MYO18B: variants seen among roughly 807,000 people sequenced by gnomAD.
MYO18B encodes myosin XVIIIB, also known as unconventional myosin-XVIIIb.
A neutral mutation model predicts 273.0 loss-of-function variants in MYO18B; 204 were observed. That is an observed-to-expected ratio of 0.75 (90% CI 0.67 to 0.84). The LOEUF (loss-of-function observed/expected upper bound fraction) is 0.84. Among genes scored for constraint, MYO18B ranks in the 40% least tolerant of loss-of-function variants. The pLI, the probability that MYO18B is intolerant of heterozygous loss-of-function variation, is 0.00. For missense variants in MYO18B, 3,212 were observed against 3,287.6 expected (o/e 0.98, Z 0.56); for synonymous variants, 1,330 against 1,305.7 (o/e 1.02, Z -0.40).
At position 25,781,846 on chromosome 22, in the gene MYO18B, G is replaced by A; in HGVS notation, c.2312+12G>A. 6.5e-7 allele frequency: 1 copy of A among 1,528,294 alleles called. No homozygotes were observed. Among genetic ancestry groups the A allele is most frequent in the Non-Finnish European group, 8.8e-7 (1 of 1,140,224 alleles). The allele number at this position is 1,528,294 out of a possible 1,614,324, so 94.7% of individuals were successfully genotyped here. A position where few individuals can be genotyped will look rare whatever the true frequency, so the allele number is the denominator to read the frequency against. On this transcript the variant is annotated intron_variant, in intron 10 of 43. Coordinates refer to ENST00000335473, the MANE Select transcript of MYO18B (RefSeq NM_032608.7). Reference sequence around the variant, plus strand: ...GACTTGGATCTCAGGTGAGCACTTGGGGCAGGAAGAGACAGCTGAGGGCAG... The same window carrying A: ...GACTTGGATCTCAGGTGAGCACTTGAGGCAGGAAGAGACAGCTGAGGGCAG...
chr22:25,851,551 C>T lies in MYO18B; in HGVS notation c.3857C>T (p.Ser1286Leu), dbSNP rs752470088. The change falls in exon 21 of 44, where the codon TCG becomes TTG. Residue 1286 changes from serine to leucine, a missense_variant. By Grantham distance (145) the Ser-to-Leu change is moderately radical. Transcript: ENST00000335473. ...LDAPLLKKLMSTSEGIDERKA... is the reference protein window; with the variant it reads ...LDAPLLKKLMLTSEGIDERKA... Reference sequence around the variant, plus strand: ...GCTCCACTCCTGAAGAAGCTCATGTCGACCTCCGAGGGAATAGATGAAAGG... The same window carrying T: ...GCTCCACTCCTGAAGAAGCTCATGTTGACCTCCGAGGGAATAGATGAAAGG... 2.3e-5 allele frequency: 36 copies of T among 1,558,882 alleles called. No individual in the cohort carries two copies. The highest frequency in any genetic ancestry group is 5.8e-5 in the Admixed American group (3 of 51,872).
intron 1 of MYO18B, among the ~76,000 whole-genome samples, chr22:25,746,806 C>T (rs999384054): frequency 2.0e-5 from 3 of 152,192 alleles, no homozygotes; most frequent in Non-Finnish European, 4.4e-5. Context: ...CTCTAGGTAG[C>T]AACACAGTAG....
intron 39 of MYO18B, among the ~76,000 whole-genome samples, chr22:25,982,842 G>A (rs1015909399): frequency 2.6e-5 from 4 of 152,068 alleles, no homozygotes; most frequent in Admixed American, 6.5e-5. Context: ...ACATGTTGCC[G>A]GATTAGATCA....
At chr22:25,906,981 C>T (rs2146364649) in intron 31 of MYO18B, among the ~76,000 whole-genome samples, 1 of 152,316 alleles carries the variant, frequency 6.6e-6, no homozygotes, top group Middle Eastern at 3.4e-3. Flanking sequence ...CAGAGCCTAA[C>T]CATATCACCC....
the MYO18B span, among the ~76,000 whole-genome samples, chr22:26,062,854 G>A: frequency 1.3e-5 from 2 of 152,158 alleles, no homozygotes; most frequent in African/African-American, 4.8e-5. Context: ...AAGAGAAAAG[G>A]CCATGTAGAA....
chr22:25,766,721 T>C (rs1426603747), intron 3 of MYO18B, among the ~76,000 whole-genome samples: 1 of 152,206 alleles, frequency 6.6e-6, no homozygotes, highest in African/African-American at 2.4e-5. Flanking sequence ...GTACAGTTCA[T>C]GCATGGGAAC....
intron 39 of MYO18B, among the ~76,000 whole-genome samples, chr22:25,968,245 T>C (rs2092999606): frequency 6.6e-6 from 1 of 151,980 alleles, no homozygotes; most frequent in Admixed American, 6.6e-5. Context: ...ATTTGAAGGG[T>C]AGAGGCTGGA....
rs566709458 is a variant in MYO18B, at chr22:25,951,017, GA to G, written c.5832+568del. On this transcript the variant is annotated intron_variant, in intron 37 of 43. Transcript: ENST00000335473. Reference sequence around the variant, plus strand: ...CAAGGGCAAGAAGCATCCAGCACGGGAGAAAGATGTAGGCTGGGAGGCTAAG... The same window carrying G: ...CAAGGGCAAGAAGCATCCAGCACGGGGAAAGATGTAGGCTGGGAGGCTAAG... Among the ~76,000 whole-genome samples, 269 of 152,318 alleles carry G rather than the reference GA, an allele frequency of 1.8e-3. 1 individual carries two copies. The highest frequency in any genetic ancestry group is 6.3e-3 in the African/African-American group (260 of 41,588).
intron 34 of MYO18B, among the ~76,000 whole-genome samples, chr22:25,931,454 G>T (rs990162241): frequency 1.3e-5 from 2 of 152,180 alleles, no homozygotes; most frequent in African/African-American, 4.8e-5. Flanking sequence ...GCTAGTCATG[G>T]TGCCAAATAT....
chr22:26,056,228 T>C, the MYO18B span, among the ~76,000 whole-genome samples: 1 of 152,208 alleles, frequency 6.6e-6, no homozygotes, highest in Non-Finnish European at 1.5e-5. Flanking sequence ...ACTGGGTCTA[T>C]ATAAAGCCAA....
chr22:25,954,872 C>T (rs185246663), intron 38 of MYO18B, among the ~76,000 whole-genome samples: 110 of 152,170 alleles, frequency 7.2e-4, no homozygotes, highest in African/African-American at 2.2e-3. Context: ...CCACCACGCC[C>T]GGCTAATTTT....
At chr22:25,826,646 G>T in intron 14 of MYO18B, 147 bp downstream of exon 14, 1 of 632,850 alleles carries the variant, frequency 1.6e-6, no homozygotes. Flanking sequence ...TTCTACCTTG[G>T]CCACCCACTG....
chr22:26,019,867 C>T (rs932127262), intron 42 of MYO18B, among the ~76,000 whole-genome samples: 1 of 152,158 alleles, frequency 6.6e-6, no homozygotes, highest in African/African-American at 2.4e-5. Context: ...GTTTGTTTTG[C>T]TGTGTGATTA....
At chr22:25,775,787 G>C (rs2086891904) in intron 7 of MYO18B, among the ~76,000 whole-genome samples, 1 of 151,834 alleles carries the variant, frequency 6.6e-6, no homozygotes, top group African/African-American at 2.4e-5. Context: ...CAGGCTTGTG[G>C]CTTTCAAACG....
At chr22:25,874,230 C>G (rs1601425049) in intron 22 of MYO18B, 56 bp from the exon 23 acceptor site, 1 of 1,605,536 alleles carries the variant, frequency 6.2e-7, no homozygotes, top group East Asian at 2.2e-5. Flanking sequence ...AGCACCCCCC[C>G]ATTGTAGACA....
intron 34 of MYO18B, among the ~76,000 whole-genome samples, chr22:25,931,690 T>C (rs964756682): frequency 2.7e-5 from 4 of 145,612 alleles, no homozygotes; most frequent in African/African-American, 2.6e-5. Context: ...TCTTTTTTTT[T>C]TTTTTTTTTT....
intron 39 of MYO18B, among the ~76,000 whole-genome samples, chr22:25,982,577 G>C (rs2093160449): frequency 6.6e-6 from 1 of 152,162 alleles, no homozygotes; most frequent in African/African-American, 2.4e-5. Context: ...GGGACAATCT[G>C]TTCCAGCCTC....
At chr22:25,905,576 T>C (rs2092026519) in intron 31 of MYO18B, among the ~76,000 whole-genome samples, 1 of 152,146 alleles carries the variant, frequency 6.6e-6, no homozygotes, top group Non-Finnish European at 1.5e-5. Flanking sequence ...TGAATCAGAA[T>C]TGGCTGAATG....
At chr22:25,773,003 T>C (rs1163241172) in intron 7 of MYO18B, among the ~76,000 whole-genome samples, 1 of 151,810 alleles carries the variant, frequency 6.6e-6, no homozygotes, top group Non-Finnish European at 1.5e-5. Context: ...CTCTCAGGAG[T>C]CCTGAGCACC....
Sources: gnomAD v4.1 joint callset for allele counts (sites outside exome capture counted in the v4.1 genomes callset) on GRCh38, gnomAD v4.1.1 for gene constraint, MANE v1.5 for transcripts, NCBI Gene and HGNC (gene_info 2026-07-23, HGNC 2026-07-21) for gene names.